Variants in TAF1 observed in about 807,000 individuals in gnomAD.
TAF1 encodes transcription initiation factor TFIID subunit 1.
In TAF1, 2 loss-of-function variants were observed where a neutral mutation model predicts 138.5. The ratio of observed to expected loss-of-function variants is 0.01; its 90% CI spans 0.01 to 0.05. The LOEUF is 0.05. Ranked by LOEUF, TAF1 falls within the 10% of genes least tolerant of loss-of-function variation. The pLI, the probability that TAF1 is intolerant of heterozygous loss-of-function variation, is 1.00. For synonymous variants in TAF1, 437 were observed against 503.2 expected, an observed-to-expected ratio of 0.87 and a Z score of 1.76; for missense variants, 709 against 1,478.0, an observed-to-expected ratio of 0.48 and a Z score of 8.53.
chrX:71,407,965 T>G lies in TAF1; in HGVS notation c.4207-9T>G. ...TTTGCTGATGTATGGTTCTGGCCCTTGTTTGCAGACATACCCTTTCCACAC... is the reference window on the plus strand; with the variant it reads ...TTTGCTGATGTATGGTTCTGGCCCTGGTTTGCAGACATACCCTTTCCACAC... On this transcript the variant is annotated splice_polypyrimidine_tract_variant and intron_variant, in intron 27 of 37. Coordinates refer to ENST00000423759, the MANE Select transcript of TAF1 (RefSeq NM_004606.5). 1 of 1,206,983 alleles carries G rather than the reference T, an allele frequency of 8.3e-7. No individual in the cohort carries two copies. Among genetic ancestry groups the G allele is most frequent in the Non-Finnish European group, 1.1e-6 (1 of 893,592 alleles).
intron 8 of TAF1, among the ~76,000 whole-genome samples, chrX:71,380,735 G>A (rs1392431604): frequency 8.9e-6 from 1 of 112,046 alleles, no homozygotes; most frequent in Non-Finnish European, 1.9e-5. Flanking sequence ...CTGTCGCCCA[G>A]GGTGGAATGT....
intron 1 of TAF1, among the ~76,000 whole-genome samples, chrX:71,366,872 A>G (rs1194852496): frequency 9.0e-6 from 1 of 111,549 alleles, no homozygotes; most frequent in African/African-American, 3.3e-5. Context: ...ATGGCTCTAT[A>G]GAGCCAGAGG....
chrX:71,395,227 G>A (rs1410674123), intron 22 of TAF1, among the ~76,000 whole-genome samples: 1 of 111,793 alleles, frequency 8.9e-6, no homozygotes, highest in Non-Finnish European at 1.9e-5. Flanking sequence ...TGAATTTCAA[G>A]GTCTGACATG....
chrX:71,404,951 C>CTTTTTTT (rs1170234048), intron 25 of TAF1, among the ~76,000 whole-genome samples: 2 of 74,878 alleles, frequency 2.7e-5, no homozygotes, highest in Non-Finnish European at 2.5e-5. Flanking sequence ...TTATTCCAAA[C>CTTTTTTT]TTTTTTTTTT....
chrX:71,483,423 CT>C (rs111698692), intron 13 of TAF1, among the ~76,000 whole-genome samples: 2,463 of 99,002 alleles, frequency 0.025, 85 homozygotes, highest in African/African-American at 0.081. Context: ...TCCATAACAT[CT>C]TTTTTTTTTT....
Position 71,378,408 on chromosome X carries a change from G to A in TAF1, c.1107G>A (p.Leu369=). ...GTGGGTTTGACTATGGCTTCAAACT[G>A]AGAAAGACAGAACATGAACCTGTGA... ...DGSGFDYGFK[L]RKTEHEPVIK... Residue 369 remains leucine (L), a synonymous_variant, in exon 7 of 38, where the codon CTG becomes CTA. Coordinates refer to ENST00000423759, the MANE Select transcript of TAF1 (RefSeq NM_004606.5). 8.3e-7 allele frequency: 1 copy of A among 1,212,106 alleles called. No homozygotes were observed. The highest frequency in any genetic ancestry group is 1.1e-6 in the Non-Finnish European group (1 of 895,642).
chrX:71,431,482 G>A (rs1021533033), intron 32 of TAF1, among the ~76,000 whole-genome samples: 1 of 111,237 alleles, frequency 9.0e-6, no homozygotes, highest in South Asian at 3.7e-4. Flanking sequence ...GATGTTGTAT[G>A]TAAAATATGA....
At chrX:71,503,306 A>G (rs1431339240) in intron 13 of TAF1, among the ~76,000 whole-genome samples, 2 of 95,574 alleles carry the variant, frequency 2.1e-5, no homozygotes, top group African/African-American at 4.2e-5. Flanking sequence ...GTGTATATAT[A>G]TATATATATA....
At chrX:71,456,642 G>GTATTT (rs2038293982) in intron 34 of TAF1, among the ~76,000 whole-genome samples, 1 of 51,227 alleles carries the variant, frequency 2.0e-5, no homozygotes, top group African/African-American at 8.6e-5. Context: ...GGTCAATAAT[G>GTATTT]TATTTTCTTT....
chrX:71,429,050 C>T (rs772212957), intron 32 of TAF1, among the ~76,000 whole-genome samples: 1 of 110,552 alleles, frequency 9.0e-6, no homozygotes, highest in Non-Finnish European at 1.9e-5. Flanking sequence ...CTGAGGTGGG[C>T]GGATCACAAG....
At chrX:71,384,169 C>T in intron 13 of TAF1, 34 bp downstream of exon 13, 2 of 1,193,787 alleles carry the variant, frequency 1.7e-6, no homozygotes, top group Non-Finnish European at 2.3e-6. Context: ...TTTTCCCATA[C>T]ATAATTCTGC....
intron 13 of TAF1, among the ~76,000 whole-genome samples, chrX:71,516,559 T>C (rs1047417070): frequency 9.2e-6 from 1 of 108,368 alleles, no homozygotes; most frequent in African/African-American, 3.4e-5. Flanking sequence ...GGAGGATCAC[T>C]TGAGCCCAAG....
intron 3 of TAF1, among the ~76,000 whole-genome samples, chrX:71,370,659 CTT>C (rs939731844): frequency 1.8e-5 from 2 of 111,566 alleles, no homozygotes; most frequent in Middle Eastern, 9.2e-3. Flanking sequence ...CTGCTTGAAA[CTT>C]TTATGTGAAG....
intron 37 of TAF1, among the ~76,000 whole-genome samples, chrX:71,463,329 TA>T (rs1283509385): frequency 9.1e-6 from 1 of 110,192 alleles, no homozygotes; most frequent in Non-Finnish European, 1.9e-5. Context: ...AACAAAAAAA[TA>T]AAGAGCACTC....
rs1381528988 is a variant in TAF1 at position 71,398,565 on chromosome X, T to C, written c.3621-7T>C. ...ATTTTTCTTCCTCTGCTGCTCACAC[T>C]GTTCAGTCGAAAATTTGCCCTTTTT... On this transcript the variant is annotated splice_region_variant and splice_polypyrimidine_tract_variant and intron_variant, in intron 23 of 37. Transcript: ENST00000423759. 8.3e-7 allele frequency: 1 copy of C among 1,208,419 alleles called. No homozygotes were observed. Among genetic ancestry groups the C allele is most frequent in the African/African-American group, 1.8e-5 (1 of 57,008 alleles).
chrX:71,475,821 G>C (rs1263547075), intron 13 of TAF1, among the ~76,000 whole-genome samples: 4 of 111,025 alleles, frequency 3.6e-5, no homozygotes, highest in African/African-American at 1.3e-4. Context: ...AGTGAGGCAT[G>C]GTGCGAGGTG....
chrX:71,472,711 C>T lies in TAF1; in HGVS notation c.1366+11908C>T, dbSNP rs182081825. On this transcript the variant is annotated intron_variant and NMD_transcript_variant, in intron 13 of 14. Coordinates refer to the TAF1 transcript ENST00000373775. ...TCTCGCCATTGCACTCCAGCCTGGGCGACAGTGAGACTGCATCTCAAAAAA... is the reference window on the plus strand; with the variant it reads ...TCTCGCCATTGCACTCCAGCCTGGGTGACAGTGAGACTGCATCTCAAAAAA... 4.4e-3 allele frequency among the ~76,000 whole-genome samples: 488 copies of T among 111,108 alleles called. 1 individual carries two copies. Among genetic ancestry groups the T allele is most frequent in the Admixed American group, 6.5e-3 (67 of 10,375 alleles).
chrX:71,377,405 C>T (rs1450741667), intron 5 of TAF1, among the ~76,000 whole-genome samples, 198 bp from the exon 6 acceptor site: 1 of 111,594 alleles, frequency 9.0e-6, no homozygotes, highest in Non-Finnish European at 1.9e-5. Context: ...GGAAATTTCT[C>T]TGTTATCTTA....
chrX:71,520,404 C>T (rs189395678), intron 13 of TAF1, among the ~76,000 whole-genome samples: 101 of 110,210 alleles, frequency 9.2e-4, no homozygotes, highest in Admixed American at 4.7e-3. Context: ...AGTAACTGGC[C>T]GGGCACGGTG....
Sources: allele counts gnomAD v4.1 joint callset (sites outside exome capture counted in the v4.1 genomes callset), GRCh38; gene constraint gnomAD v4.1.1; transcripts MANE v1.5; gene names NCBI Gene and HGNC (gene_info 2026-07-23, HGNC 2026-07-21).